Variants in IQCH observed in about 807,000 individuals in gnomAD.
IQCH encodes the protein IQ motif containing H, also known as IQ domain-containing protein H.
Under a neutral mutation model 117.0 loss-of-function variants are expected in IQCH, and 98 were observed. That is an observed-to-expected ratio of 0.84 (90% CI 0.71 to 0.99). IQCH has a LOEUF of 0.99. IQCH is among the 50% of genes least tolerant of loss of function. The pLI, the probability that IQCH is intolerant of heterozygous loss-of-function variation, is 0.00. For synonymous variants in IQCH, 412 were observed against 448.2 expected, an observed-to-expected ratio of 0.92 and a Z score of 1.02; for missense variants, 1,102 against 1,243.8, an observed-to-expected ratio of 0.89 and a Z score of 1.72.
At chr15:67,326,274 A>G (rs890878333) in intron 4 of IQCH, among the ~76,000 whole-genome samples, 8 of 152,164 alleles carry the variant, frequency 5.3e-5, no homozygotes, top group Non-Finnish European at 1.0e-4. Flanking sequence ...AGCTTCATCC[A>G]TGTCCCTACA....
At chr15:67,412,361 C>CA (rs1375774322) in intron 14 of IQCH, among the ~76,000 whole-genome samples, 7 of 151,266 alleles carry the variant, frequency 4.6e-5, no homozygotes, top group Non-Finnish European at 7.4e-5. Flanking sequence ...CAATGCAAAG[C>CA]AAAAAAAACT....
Position 67,411,965 on chromosome 15 carries a change from G to A in IQCH, c.2098-4966G>A, listed in dbSNP as rs542464835. Among the ~76,000 whole-genome samples the A allele has an allele frequency of 6.6e-5, 10 of 152,268 alleles. No individual in the cohort carries two copies. In the South Asian group the frequency reaches 2.1e-3, roughly 32 times the overall value. ...GCCCCATGCTTTCTGCAGATGTCTT[G>A]GAACCTTCCAACGTCCTGACGATTG... On this transcript the variant is annotated intron_variant, in intron 14 of 20. Transcript: ENST00000335894. The surrounding 1 kb of genome is among the most constrained non-coding windows in gnomAD (Gnocchi z 4.4).
At chr15:67,362,198 G>A (rs1051347971) in intron 8 of IQCH, among the ~76,000 whole-genome samples, 4 of 149,886 alleles carry the variant, frequency 2.7e-5, no homozygotes, top group African/African-American at 7.4e-5. Context: ...CAGCAAAGAC[G>A]ACAAAAAATT....
At chr15:67,357,023 G>C (rs1001570246) in intron 6 of IQCH, among the ~76,000 whole-genome samples, 1 of 152,074 alleles carries the variant, frequency 6.6e-6, no homozygotes, top group Non-Finnish European at 1.5e-5. Context: ...TTCTAACAAA[G>C]CATTTTATAA....
intron 19 of IQCH, among the ~76,000 whole-genome samples, chr15:67,492,429 G>A (rs1357221142): frequency 6.6e-6 from 1 of 152,180 alleles, no homozygotes; most frequent in African/African-American, 2.4e-5. Context: ...TCGGGTGATG[G>A]GAGAAGAGCA....
Position 67,400,094 on chromosome 15 carries a change from CTG to C in IQCH, c.1906-16_1906-15del. 1 of 1,605,938 alleles carries C rather than the reference CTG, an allele frequency of 6.2e-7. No homozygotes were observed. Among genetic ancestry groups the C allele is most frequent in the South Asian group, 1.1e-5 (1 of 90,526 alleles). The stretch of plus-strand genomic sequence containing the variant: ...AGGAAATGAACTGTATTAAATGCAG[CTG>C]TGTCTTTGGCCTCACAGATGATAGA... On this transcript the variant is annotated intron_variant, in intron 13 of 20. Coordinates refer to ENST00000335894, the MANE Select transcript of IQCH (RefSeq NM_001031715.3).
chr15:67,340,624 A>G (rs552193255), intron 5 of IQCH, among the ~76,000 whole-genome samples: 79 of 152,250 alleles, frequency 5.2e-4, no homozygotes, highest in African/African-American at 1.8e-3. Flanking sequence ...GTAGAGACTC[A>G]ATCAGAGTTT....
intron 6 of IQCH, among the ~76,000 whole-genome samples, chr15:67,345,237 C>T (rs937327996): frequency 2.6e-5 from 4 of 152,240 alleles, no homozygotes; most frequent in Middle Eastern, 3.4e-3. Context: ...GTGATCCACC[C>T]GCCTTGGCCT....
At chr15:67,288,873 A>G (rs1035770092) in intron 4 of IQCH, among the ~76,000 whole-genome samples, 1 of 152,160 alleles carries the variant, frequency 6.6e-6, no homozygotes, top group Non-Finnish European at 1.5e-5. Context: ...CTACAGAATC[A>G]AAGAGAAAGG....
Position 67,408,328 on chromosome 15 carries a change from G to C in IQCH, c.2097+8023G>C, listed in dbSNP as rs567549087. 1 of 152,324 alleles carries C rather than the reference G, an allele frequency of 6.6e-6. No individual in the cohort carries two copies. The highest frequency in any genetic ancestry group is 1.9e-4 in the East Asian group (1 of 5,184). The allele number at this position is 152,324 out of a possible 1,614,324, so 9.4% of individuals were successfully genotyped here. ...TCCTCTGACGGTGACTGCGCCATTT[G>C]CTTCTGGTCGTCTGTCCTTGGTGCC... On this transcript the variant is annotated intron_variant, in intron 14 of 20. Coordinates refer to ENST00000335894, the MANE Select transcript of IQCH (RefSeq NM_001031715.3). This position sits in a 1 kb window ranked among gnomAD's most constrained non-coding sequence, Gnocchi z 4.2.
rs747330091 is a variant in IQCH at position 67,359,933 on chromosome 15, G to T, written c.753+48G>T. Reference sequence around the variant, plus strand: ...TGAAATTTAGGGTCTGTCACCTGATGTCCCTTCCTTTTGCTGCAGGGCAAG... The same window carrying T: ...TGAAATTTAGGGTCTGTCACCTGATTTCCCTTCCTTTTGCTGCAGGGCAAG... On this transcript the variant is annotated intron_variant, in intron 8 of 20. Coordinates refer to ENST00000335894, the MANE Select transcript of IQCH (RefSeq NM_001031715.3). The surrounding 1 kb of genome is among the most constrained non-coding windows in gnomAD (Gnocchi z 4.5). 7 of 1,478,454 alleles carry T rather than the reference G, an allele frequency of 4.7e-6. No homozygotes were observed. Among genetic ancestry groups the T allele is most frequent in the Non-Finnish European group, 6.6e-6 (7 of 1,056,996 alleles). 91.6% of individuals were successfully genotyped at this position (1,478,454 alleles called of 1,614,324 possible). A position where few individuals can be genotyped will look rare whatever the true frequency, so the allele number is the denominator to read the frequency against.
At chr15:67,397,277 T>A (rs1596308115) in intron 13 of IQCH, among the ~76,000 whole-genome samples, 1 of 152,224 alleles carries the variant, frequency 6.6e-6, no homozygotes, top group East Asian at 1.9e-4. Context: ...CAGAACCGCA[T>A]ATGTTGATTG....
intron 20 of IQCH, among the ~76,000 whole-genome samples, chr15:67,497,284 TC>T: frequency 6.6e-6 from 1 of 151,458 alleles, no homozygotes; most frequent in Non-Finnish European, 1.5e-5. Flanking sequence ...TGAGCCATGA[TC>T]TGCACTCCAG....
chr15:67,499,308 A>AAAAAAAAAAAAAAAAAAG (rs2083915459), intron 20 of IQCH, among the ~76,000 whole-genome samples: 1 of 150,886 alleles, frequency 6.6e-6, no homozygotes, highest in African/African-American at 2.4e-5. Context: ...AAAAAAAAAA[A>AAAAAAAAAAAAAAAAAAG]AAAAAAAAAA....
chr15:67,420,966 G>C (rs2140917873), intron 15 of IQCH, among the ~76,000 whole-genome samples: 1 of 152,242 alleles, frequency 6.6e-6, no homozygotes, highest in Middle Eastern at 3.4e-3. Context: ...CATAATTCTT[G>C]GGTTCCCTGT....
At chr15:67,256,937 G>A (rs1397260390) in intron 1 of IQCH, among the ~76,000 whole-genome samples, 2 of 152,168 alleles carry the variant, frequency 1.3e-5, no homozygotes, top group Non-Finnish European at 2.9e-5. Flanking sequence ...AAATTTGGAA[G>A]ACTTTCCCTA....
chr15:67,288,337 T>C (rs777212922), intron 4 of IQCH, among the ~76,000 whole-genome samples: 12 of 152,134 alleles, frequency 7.9e-5, no homozygotes, highest in African/African-American at 1.4e-4. Flanking sequence ...ATGCTGAAAG[T>C]GGGGTGTTGA....
rs574945743 is a variant in IQCH, at chr15:67,370,592, A to G, written c.754-1519A>G. On this transcript the variant is annotated intron_variant, in intron 8 of 20. Coordinates refer to ENST00000335894, the MANE Select transcript of IQCH (RefSeq NM_001031715.3). This position sits in a 1 kb window ranked among gnomAD's most constrained non-coding sequence, Gnocchi z 5.6. ...TGCTGAAGGGGGCATTACTTCTCCAACTTTCTCTTGCCCATCCAAGAAGAA... is the reference window on the plus strand; with the variant it reads ...TGCTGAAGGGGGCATTACTTCTCCAGCTTTCTCTTGCCCATCCAAGAAGAA... Among the ~76,000 whole-genome samples the G allele has an allele frequency of 1.5e-3, 234 of 152,264 alleles. 1 individual carries two copies. Among genetic ancestry groups the G allele is most frequent in the Non-Finnish European group, 2.5e-3 (171 of 68,002 alleles).
chr15:67,284,564 A>T (rs1966487906), intron 4 of IQCH, among the ~76,000 whole-genome samples: 1 of 152,144 alleles, frequency 6.6e-6, no homozygotes, highest in Admixed American at 6.6e-5. Flanking sequence ...TCACCCAGGT[A>T]TTAAGCCTAG....
Sources: gnomAD v4.1 joint callset for allele counts (sites outside exome capture counted in the v4.1 genomes callset) on GRCh38, gnomAD v4.1.1 for gene constraint, Gnocchi (gnomAD v3.1) non-coding constraint, MANE v1.5 for transcripts, NCBI Gene and HGNC (gene_info 2026-07-23, HGNC 2026-07-21) for gene names.